Variants in SGSM2 observed in about 807,000 individuals in gnomAD.
The protein encoded by SGSM2 is small G protein signaling modulator 2, also known as RUN and TBC1 domain containing 1.
In SGSM2, 89 loss-of-function variants were observed where a neutral mutation model predicts 126.6. That is an observed-to-expected ratio of 0.70 (90% CI 0.59 to 0.84). SGSM2 has a LOEUF of 0.84. SGSM2 is among the 40% of genes least tolerant of loss of function. The probability of loss-of-function intolerance (pLI) is 0.00; values close to 1 mark genes in which losing one functional copy is unlikely to be tolerated. For missense variants in SGSM2, 1,404 were observed against 1,416.6 expected, an observed-to-expected ratio of 0.99 and a Z score of 0.14; for synonymous variants, 614 against 574.3, an observed-to-expected ratio of 1.07 and a Z score of -0.99.
chr17:2,373,524 C>T lies in SGSM2; in HGVS notation c.2100+11C>T, dbSNP rs377358999. On this transcript the variant is annotated intron_variant, in intron 17 of 23. Transcript: ENST00000268989. ...ACCATCAGCAACGATGTGAGCCAGA[C>T]GGGACCTGGAGGGTTGGGGGTCTCG... The T allele has an allele frequency of 5.5e-5, 87 of 1,593,874 alleles. No individual in the cohort carries two copies. The highest frequency in any genetic ancestry group is 1.9e-4 in the African/African-American group (14 of 74,718).
At chr17:2,373,186 G>T in intron 16 of SGSM2, 105 bp downstream of exon 16, 5 of 1,551,820 alleles carry the variant, frequency 3.2e-6, no homozygotes, top group Non-Finnish European at 4.4e-6. Context: ...CCGGAAAGAA[G>T]CATGGCAGGG....
In SGSM2 at chr17:2,363,879, C is replaced by A; in HGVS notation, c.808-180C>A. On this transcript the variant is annotated intron_variant, in intron 7 of 23. Coordinates refer to ENST00000268989, the MANE Select transcript of SGSM2 (RefSeq NM_014853.3). This position sits in a 1 kb window ranked among gnomAD's most constrained non-coding sequence, Gnocchi z 4.2. The stretch of plus-strand genomic sequence containing the variant: ...GGCTGGCAGGAGAGAGTCAGTGGCA[C>A]CAGGCTGACCAGGGAAACTGAGTCC... 1.2e-6 allele frequency: 1 copy of A among 809,398 alleles called. No homozygotes were observed. The highest frequency in any genetic ancestry group is 1.9e-6 in the Non-Finnish European group (1 of 519,098). 50.1% of individuals were successfully genotyped at this position (809,398 alleles called of 1,614,324 possible).
At chr17:2,353,904 TTTTG>T (rs1234128913) in intron 2 of SGSM2, among the ~76,000 whole-genome samples, 1 of 152,154 alleles carries the variant, frequency 6.6e-6, no homozygotes, top group Admixed American at 6.5e-5. Context: ...TATGTTGGTT[TTTTG>T]TTTGTTTGGT....
In SGSM2 at chr17:2,364,058, G is replaced by A; in HGVS notation, c.808-1G>A. The stretch of plus-strand genomic sequence containing the variant: ...CGGTCTTCCGGTGTCTCCCGCTGTA[G>A]AAGGAGGATATGGAGGCGGTCCCTG... On this transcript the variant is annotated splice_acceptor_variant, in intron 7 of 23. Transcript: ENST00000268989. LOFTEE classifies it high-confidence loss of function. 4 of 1,614,044 alleles carry A rather than the reference G, an allele frequency of 2.5e-6. No homozygotes were observed. The highest frequency in any genetic ancestry group is 3.4e-6 in the Non-Finnish European group (4 of 1,179,998).
chr17:2,379,165 A>T lies in SGSM2; in HGVS notation c.3029A>T (p.Asn1010Ile). 6.2e-7 allele frequency: 1 copy of T among 1,614,132 alleles called. No individual in the cohort carries two copies. The highest frequency in any genetic ancestry group is 8.5e-7 in the Non-Finnish European group (1 of 1,180,010). The stretch of plus-strand genomic sequence containing the variant: ...GCCTACCGAGAGATCATCCGTGACA[A>T]CAACATGGACTTCACTGACATCATC... ...VEAYREIIRD[N>I]NMDFTDIIKF... Residue 1010 changes from asparagine (N) to isoleucine (I), a missense_variant, in exon 23 of 24, where the codon AAC becomes ATC. Asn to Ile is a moderately radical substitution (Grantham distance 149). Coordinates refer to ENST00000268989, the MANE Select transcript of SGSM2 (RefSeq NM_014853.3).
Position 2,364,951 on chromosome 17 carries a change from T to C in SGSM2, c.1055T>C (p.Leu352Pro). Residue 352 changes from leucine (L) to proline (P), a missense_variant, in exon 10 of 24, where the codon CTG (leucine) becomes CCG (proline). Leu to Pro is a moderately conservative substitution (Grantham distance 98). Coordinates refer to ENST00000268989, the MANE Select transcript of SGSM2 (RefSeq NM_014853.3). ...CAGGATGGCATCCAGAGGCCGCCGC[T>C]GCATTTCCCACAGGGAGGACACCTG... ...VSQDGIQRPP[L>P]HFPQGGHLLS... The C allele has an allele frequency of 6.2e-7, 1 of 1,613,296 alleles. No individual in the cohort carries two copies. The highest frequency in any genetic ancestry group is 1.1e-5 in the South Asian group (1 of 91,078).
chr17:2,342,572 C>T (rs530141011), intron 1 of SGSM2, among the ~76,000 whole-genome samples: 50 of 152,284 alleles, frequency 3.3e-4, no homozygotes, highest in Non-Finnish European at 5.7e-4. Flanking sequence ...GCTCTAGTTG[C>T]TGATTTCACA....
At position 2,362,730 on chromosome 17, in the gene SGSM2, A is replaced by G. The variant is rs2065373860; in HGVS notation, c.459-108A>G. Reference sequence around the variant, plus strand: ...GTCCCTAAGGACTCACTGTTTCTTGATGACTGATCTGAATCTGGTCTTTGT... The same window carrying G: ...GTCCCTAAGGACTCACTGTTTCTTGGTGACTGATCTGAATCTGGTCTTTGT... On this transcript the variant is annotated intron_variant, in intron 4 of 23. Transcript: ENST00000268989. This position sits in a 1 kb window ranked among gnomAD's most constrained non-coding sequence, Gnocchi z 4.9. The G allele has an allele frequency of 2.7e-6, 3 of 1,122,746 alleles. No individual in the cohort carries two copies. Among genetic ancestry groups the G allele is most frequent in the Non-Finnish European group, 3.9e-6 (3 of 760,488 alleles). 69.5% of individuals were successfully genotyped at this position (1,122,746 alleles called of 1,614,324 possible). A position where few individuals can be genotyped will look rare whatever the true frequency, so the allele number is the denominator to read the frequency against.
rs115136040 is a variant in SGSM2 at position 2,371,660 on chromosome 17, G to C, written c.1577+245G>C. On this transcript the variant is annotated intron_variant, in intron 13 of 23. Transcript: ENST00000268989. ...GGGATGATGCCACTTGCTGCCTGCAGTACTTATGAGGACAGAATGAGAGAG... is the reference window on the plus strand; with the variant it reads ...GGGATGATGCCACTTGCTGCCTGCACTACTTATGAGGACAGAATGAGAGAG... The C allele has an allele frequency of 1.3e-3, 659 of 524,970 alleles. 5 individuals are homozygous for C. Among genetic ancestry groups the C allele is most frequent in the African/African-American group, 0.012 (611 of 50,962 alleles). 32.5% of individuals were successfully genotyped at this position (524,970 alleles called of 1,614,324 possible).
At chr17:2,364,829 G>T in intron 9 of SGSM2, 68 bp from the exon 10 acceptor site, 1 of 1,586,420 alleles carries the variant, frequency 6.3e-7, no homozygotes, top group South Asian at 1.1e-5. Context: ...CCAGCCTGGG[G>T]GCACTGGCCA....
chr17:2,363,937 C>T lies in SGSM2; in HGVS notation c.808-122C>T, dbSNP rs770904847. 1 of 1,232,642 alleles carries T rather than the reference C, an allele frequency of 8.1e-7. No individual in the cohort carries two copies. Among genetic ancestry groups the T allele is most frequent in the Non-Finnish European group, 1.2e-6 (1 of 858,618 alleles). The allele number at this position is 1,232,642 out of a possible 1,614,324, so 76.4% of individuals were successfully genotyped here. A position where few individuals can be genotyped will look rare whatever the true frequency, so the allele number is the denominator to read the frequency against. ...CTGTGCTTCTGCCCCGTCCCTAGTC[C>T]AGGACCCCGTGACTAGCCTAGCTTG... On this transcript the variant is annotated intron_variant, in intron 7 of 23. Transcript: ENST00000268989. The surrounding 1 kb of genome is among the most constrained non-coding windows in gnomAD (Gnocchi z 4.2).
chr17:2,376,590 T>TG (rs1468993746), intron 19 of SGSM2, 143 bp from the exon 20 acceptor site: 29 of 915,620 alleles, frequency 3.2e-5, no homozygotes, highest in Non-Finnish European at 4.5e-5. Context: ...GTTGTCTCCC[T>TG]GTGGGGGGTG....
At chr17:2,369,768 C>T (rs1039311799) in intron 12 of SGSM2, among the ~76,000 whole-genome samples, 5 of 151,978 alleles carry the variant, frequency 3.3e-5, no homozygotes, top group Admixed American at 6.5e-5. Context: ...CGGCTCCTCC[C>T]GGGACTGTCC....
chr17:2,376,438 G>A, intron 19 of SGSM2, 177 bp downstream of exon 19: 1 of 746,104 alleles, frequency 1.3e-6, no homozygotes, highest in Non-Finnish European at 2.1e-6. Context: ...TCATTCTTAG[G>A]GGCCTACCAG....
rs577570243 is a variant in SGSM2, at chr17:2,357,480, T to C, written c.134-4157T>C. Among the ~76,000 whole-genome samples, 6 of 152,220 alleles carry C rather than the reference T, an allele frequency of 3.9e-5. No homozygotes were observed. The South Asian group carries it at 6.2e-4, about 16-fold the overall frequency. ...GGCATTCGCAGCAACCTGGATGGGA[T>C]TGGAGACTATTATTCTTTTTATTTT... On this transcript the variant is annotated intron_variant, in intron 2 of 23. Coordinates refer to ENST00000268989, the MANE Select transcript of SGSM2 (RefSeq NM_014853.3).
At chr17:2,354,347 C>A (rs1020725618) in intron 2 of SGSM2, among the ~76,000 whole-genome samples, 1 of 152,186 alleles carries the variant, frequency 6.6e-6, no homozygotes, top group African/African-American at 2.4e-5. Flanking sequence ...CGCGCCCAGC[C>A]AAGTTTTTTA....
chr17:2,379,734 T>C lies in SGSM2; in HGVS notation c.*214T>C. The C allele has an allele frequency of 7.1e-7, 1 of 1,404,718 alleles. No homozygotes were observed. The highest frequency in any genetic ancestry group is 9.3e-7 in the Non-Finnish European group (1 of 1,078,662). The allele number at this position is 1,404,718 out of a possible 1,614,324, so 87.0% of individuals were successfully genotyped here. On this transcript the variant is annotated 3_prime_UTR_variant, in exon 24 of 24. Coordinates refer to ENST00000268989, the MANE Select transcript of SGSM2 (RefSeq NM_014853.3). Reference sequence around the variant, plus strand: ...CGGATCAGGGCCGGGATGGGAGGGGTCAGCCTCAGGGAGCAGCTGCCTTGG... The same window carrying C: ...CGGATCAGGGCCGGGATGGGAGGGGCCAGCCTCAGGGAGCAGCTGCCTTGG...
chr17:2,371,462 C>T (rs771731438), intron 13 of SGSM2, 47 bp downstream of exon 13: 1 of 1,544,682 alleles, frequency 6.5e-7, no homozygotes. Context: ...CGTGTCCAGC[C>T]ACGTGTGTGT....
chr17:2,357,951 G>A (rs2065148628), intron 2 of SGSM2, among the ~76,000 whole-genome samples: 1 of 152,192 alleles, frequency 6.6e-6, no homozygotes, highest in Non-Finnish European at 1.5e-5. Flanking sequence ...GTGCACCCAG[G>A]GTGGCCGTAG....
Sources: gnomAD v4.1 joint callset for allele counts (sites outside exome capture counted in the v4.1 genomes callset) on GRCh38, gnomAD v4.1.1 for gene constraint, Gnocchi (gnomAD v3.1) non-coding constraint, MANE v1.5 for transcripts, NCBI Gene and HGNC (gene_info 2026-07-23, HGNC 2026-07-21) for gene names.